Variants in THSD7B observed in about 807,000 individuals in gnomAD.
THSD7B encodes thrombospondin type 1 domain containing 7B.
A neutral mutation model predicts 213.6 loss-of-function variants in THSD7B; 138 were observed. The observed-to-expected ratio is 0.65, with a 90% confidence interval of 0.56 to 0.74. The LOEUF is 0.74. Ranked by LOEUF, THSD7B falls within the 30% of genes least tolerant of loss-of-function variation. The probability of loss-of-function intolerance (pLI) is 0.00; values close to 1 mark genes in which losing one functional copy is unlikely to be tolerated. For synonymous variants in THSD7B, 742 were observed against 687.0 expected (o/e 1.08, Z -1.25); for missense variants, 1,931 against 1,991.5 (o/e 0.97, Z 0.58).
intron 2 of THSD7B, among the ~76,000 whole-genome samples, chr2:137,048,999 C>G (rs1263044318): frequency 6.6e-6 from 1 of 152,184 alleles, no homozygotes; most frequent in Non-Finnish European, 1.5e-5. Flanking sequence ...TTAACTGATG[C>G]AAAACAGCCA....
At chr2:137,403,112 C>T (rs578014750) in intron 12 of THSD7B, among the ~76,000 whole-genome samples, 1 of 151,936 alleles carries the variant, frequency 6.6e-6, no homozygotes, top group Non-Finnish European at 1.5e-5. Context: ...TTTGTCCCTG[C>T]GACGTGGATA....
chr2:137,383,363 G>T (rs973781605), intron 12 of THSD7B, among the ~76,000 whole-genome samples: 3 of 152,194 alleles, frequency 2.0e-5, no homozygotes, highest in Non-Finnish European at 4.4e-5. Flanking sequence ...TGAGTCCAGG[G>T]TTCCACCCTG....
At chr2:136,924,545 G>GT (rs1189971252) in intron 2 of THSD7B, among the ~76,000 whole-genome samples, 1 of 151,924 alleles carries the variant, frequency 6.6e-6, no homozygotes, top group East Asian at 1.9e-4. Context: ...ATATATATAT[G>GT]TTTTTTATGC....
chr2:136,805,110 A>T lies in THSD7B; in HGVS notation c.-36+39423A>T, dbSNP rs138481591. On this transcript the variant is annotated intron_variant, in intron 1 of 27. Transcript: ENST00000409968. The stretch of plus-strand genomic sequence containing the variant: ...TCACCCTAGAAAAAATGCTGAAAGT[A>T]TAAGTGATTCCATACAGTTCTTATT... Among the ~76,000 whole-genome samples, 184 of 152,360 alleles carry T rather than the reference A, an allele frequency of 1.2e-3. 1 individual carries two copies. Among genetic ancestry groups the T allele is most frequent in the African/African-American group, 4.3e-3 (177 of 41,596 alleles).
intron 15 of THSD7B, among the ~76,000 whole-genome samples, chr2:137,531,067 A>G (rs529750206): frequency 6.6e-6 from 1 of 152,100 alleles, no homozygotes; most frequent in African/African-American, 2.4e-5. Context: ...AAAAATTACA[A>G]ACCCATTGCT....
At chr2:137,347,799 A>C (rs1254825026) in intron 12 of THSD7B, among the ~76,000 whole-genome samples, 4 of 151,500 alleles carry the variant, frequency 2.6e-5, no homozygotes, top group African/African-American at 9.7e-5. Flanking sequence ...ACAGTGACTT[A>C]AGAGTTATTT....
rs181009857 is a variant in THSD7B, at chr2:136,854,003, C to G, written c.-35-28141C>G. Among the ~76,000 whole-genome samples, 27 of 152,228 alleles carry G rather than the reference C, an allele frequency of 1.8e-4. No individual in the cohort carries two copies. In the East Asian group the frequency reaches 5.0e-3, roughly 28 times the overall value. ...CACCCAATCTTTGAGTGTTTTCTTA[C>G]TTTCTGGCACAACAGGATGCTCTAG... On this transcript the variant is annotated intron_variant, in intron 1 of 27. Coordinates refer to ENST00000409968, the MANE Select transcript of THSD7B (RefSeq NM_001316349.2).
intron 2 of THSD7B, among the ~76,000 whole-genome samples, chr2:136,921,594 A>T (rs981438388): frequency 6.6e-6 from 1 of 152,238 alleles, no homozygotes; most frequent in Non-Finnish European, 1.5e-5. Flanking sequence ...AACTATTGAC[A>T]GTACTGCCTT....
chr2:137,445,553 A>G (rs1191434045), intron 14 of THSD7B, among the ~76,000 whole-genome samples: 1 of 151,970 alleles, frequency 6.6e-6, no homozygotes, highest in Non-Finnish European at 1.5e-5. Flanking sequence ...GGGAGATTTG[A>G]AAAACAATAT....
Position 137,319,836 on chromosome 2 carries a change from G to A in THSD7B, c.2500+43810G>A, listed in dbSNP as rs533900799. ...TTGGCGGTGGTGGCGGGTGGCGGGG[G>A]TGGTCAAATGAGTTATAAGCATAGA... On this transcript the variant is annotated intron_variant, in intron 12 of 27. Coordinates refer to ENST00000409968, the MANE Select transcript of THSD7B (RefSeq NM_001316349.2). Among the ~76,000 whole-genome samples the A allele has an allele frequency of 3.0e-4, 46 of 152,206 alleles. No individual in the cohort carries two copies. In the East Asian group the frequency reaches 3.1e-3, roughly 10 times the overall value.
intron 10 of THSD7B, among the ~76,000 whole-genome samples, chr2:137,258,904 C>A (rs1682373115): frequency 6.6e-6 from 1 of 151,530 alleles, no homozygotes; most frequent in African/African-American, 2.4e-5. Context: ...TCTCTTTGTT[C>A]AGCTCCCACT....
chr2:137,558,216 G>T (rs1368583774), intron 15 of THSD7B, among the ~76,000 whole-genome samples: 12 of 152,102 alleles, frequency 7.9e-5, no homozygotes, highest in African/African-American at 2.9e-4. Context: ...CATTTTATGA[G>T]GCCAGCATCA....
chr2:137,335,433 T>G (rs1004924984), intron 12 of THSD7B, among the ~76,000 whole-genome samples: 5 of 152,216 alleles, frequency 3.3e-5, no homozygotes, highest in African/African-American at 1.2e-4. Flanking sequence ...GATTATCAAC[T>G]GATGCCTTAA....
chr2:137,359,267 C>T (rs997992506), intron 12 of THSD7B, among the ~76,000 whole-genome samples: 3 of 152,148 alleles, frequency 2.0e-5, no homozygotes, highest in Non-Finnish European at 2.9e-5. Context: ...AGTCCAGGAG[C>T]GAGGGCAAGC....
At chr2:137,600,558 C>T (rs369532560) in intron 17 of THSD7B, among the ~76,000 whole-genome samples, 4 of 151,860 alleles carry the variant, frequency 2.6e-5, no homozygotes, top group African/African-American at 9.7e-5. Context: ...GCCAACATGG[C>T]GAAACCCTAT....
intron 12 of THSD7B, among the ~76,000 whole-genome samples, chr2:137,365,779 T>G (rs1000706767): frequency 7.9e-5 from 12 of 152,296 alleles, no homozygotes; most frequent in South Asian, 6.2e-4. Context: ...AGGAACACTT[T>G]TACACTGTTG....
intron 14 of THSD7B, among the ~76,000 whole-genome samples, chr2:137,440,550 G>A (rs1687386488): frequency 6.6e-6 from 1 of 151,692 alleles, no homozygotes; most frequent in Admixed American, 6.6e-5. Flanking sequence ...GTAGAATACT[G>A]TGATGGCAGA....
intron 12 of THSD7B, among the ~76,000 whole-genome samples, chr2:137,300,827 A>T (rs985090570): frequency 6.6e-6 from 1 of 152,120 alleles, no homozygotes; most frequent in Non-Finnish European, 1.5e-5. Context: ...GTTTATACGG[A>T]CAAAAAGATG....
At chr2:137,228,369 A>G (rs1681562087) in intron 7 of THSD7B, among the ~76,000 whole-genome samples, 1 of 152,152 alleles carries the variant, frequency 6.6e-6, no homozygotes, top group Non-Finnish European at 1.5e-5. Context: ...AGATTTTAAA[A>G]AGTATTTGAG....
Sources: allele counts gnomAD v4.1 joint callset (sites outside exome capture counted in the v4.1 genomes callset), GRCh38; gene constraint gnomAD v4.1.1; transcripts MANE v1.5; gene names NCBI Gene and HGNC (gene_info 2026-07-23, HGNC 2026-07-21).